Variants in IQCJ observed in about 807,000 individuals in gnomAD.
IQCJ encodes the protein IQ motif containing J, also known as IQ domain-containing protein J.
A neutral mutation model predicts 11.0 loss-of-function variants in IQCJ; 9 were observed. That is an observed-to-expected ratio of 0.82 (90% CI 0.49 to 1.43). The LOEUF (loss-of-function observed/expected upper bound fraction) is 1.43. Ranked by LOEUF, IQCJ falls within the 40% of genes most tolerant of loss-of-function variation. The pLI, the probability that IQCJ is intolerant of heterozygous loss-of-function variation, is 0.00. For synonymous variants in IQCJ, 55 were observed against 51.3 expected, an observed-to-expected ratio of 1.07 and a Z score of -0.31; for missense variants, 146 against 133.2, an observed-to-expected ratio of 1.10 and a Z score of -0.47.
At chr3:159,254,098 A>G (rs1193713271) in intron 3 of IQCJ, among the ~76,000 whole-genome samples, 1 of 152,236 alleles carries the variant, frequency 6.6e-6, no homozygotes, top group Non-Finnish European at 1.5e-5. Context: ...CAGCCTCACT[A>G]CACAGGACAT....
chr3:159,102,186 T>A (rs1374989272), intron 1 of IQCJ, among the ~76,000 whole-genome samples: 1 of 152,252 alleles, frequency 6.6e-6, no homozygotes, highest in East Asian at 1.9e-4. Context: ...AATCTGCTTT[T>A]CATTTCAAAG....
intron 1 of IQCJ, among the ~76,000 whole-genome samples, chr3:159,119,367 TC>T (rs1419249717): frequency 2.0e-5 from 3 of 152,188 alleles, no homozygotes; most frequent in African/African-American, 7.2e-5. Context: ...TAATCACTTT[TC>T]CCTGCTCCCT....
At chr3:159,094,079 A>G (rs184351221) in intron 1 of IQCJ, among the ~76,000 whole-genome samples, 2 of 151,902 alleles carry the variant, frequency 1.3e-5, no homozygotes, top group Admixed American at 1.3e-4. Context: ...CTTTGACTAG[A>G]GCTTTTTCTC....
At chr3:159,256,825 A>T (rs1027034480) in intron 3 of IQCJ, among the ~76,000 whole-genome samples, 1 of 152,216 alleles carries the variant, frequency 6.6e-6, no homozygotes, top group African/African-American at 2.4e-5. Flanking sequence ...GTATTTGAAA[A>T]TGTTTGATAT....
At chr3:159,200,470 G>A (rs1450724787) in intron 1 of IQCJ, among the ~76,000 whole-genome samples, 2 of 152,076 alleles carry the variant, frequency 1.3e-5, no homozygotes, top group Non-Finnish European at 2.9e-5. Context: ...TTCTTGAGCT[G>A]ACTTAAATGA....
At chr3:159,256,639 A>G (rs1186703372) in intron 3 of IQCJ, among the ~76,000 whole-genome samples, 1 of 152,226 alleles carries the variant, frequency 6.6e-6, no homozygotes, top group African/African-American at 2.4e-5. Context: ...CGAGAATGCT[A>G]ACATGTCTTA....
chr3:159,200,049 A>ATATATATATATATATATAG (rs1560022977), intron 1 of IQCJ, among the ~76,000 whole-genome samples: 1 of 102,688 alleles, frequency 9.7e-6, no homozygotes, highest in Non-Finnish European at 1.9e-5. Flanking sequence ...TATATATATA[A>ATATATATATATATATATAG]ATCTAAATTA....
chr3:159,257,557 C>T (rs547550572), intron 3 of IQCJ, among the ~76,000 whole-genome samples: 9 of 152,000 alleles, frequency 5.9e-5, no homozygotes, highest in Admixed American at 4.6e-4. Context: ...ACAAACCGGG[C>T]GGATACTGGA....
intron 1 of IQCJ, among the ~76,000 whole-genome samples, chr3:159,073,258 G>A (rs559569087): frequency 6.6e-6 from 1 of 152,228 alleles, no homozygotes; most frequent in South Asian, 2.1e-4. Flanking sequence ...TGAAAGTCCT[G>A]TAGCTGGATG....
intron 1 of IQCJ, among the ~76,000 whole-genome samples, chr3:159,104,634 G>T (rs73164342): frequency 6.6e-6 from 1 of 151,934 alleles, no homozygotes; most frequent in Admixed American, 6.6e-5. Flanking sequence ...TGGCCTCCTC[G>T]CCCGCCATTT....
intron 1 of IQCJ, among the ~76,000 whole-genome samples, chr3:159,204,327 C>T (rs1463095893): frequency 6.6e-6 from 1 of 152,284 alleles, no homozygotes; most frequent in Admixed American, 6.5e-5. Flanking sequence ...GGCCATATAT[C>T]TGTCTTCTCA....
At chr3:159,136,895 A>G (rs1431921671) in intron 1 of IQCJ, among the ~76,000 whole-genome samples, 2 of 152,188 alleles carry the variant, frequency 1.3e-5, no homozygotes, top group East Asian at 3.9e-4. Context: ...GGTCTTAAGT[A>G]TGGTGTAAAT....
At chr3:159,132,479 AATT>A (rs1196754978) in intron 1 of IQCJ, among the ~76,000 whole-genome samples, 2 of 152,206 alleles carry the variant, frequency 1.3e-5, no homozygotes, top group Admixed American at 1.3e-4. Flanking sequence ...TTTATTATAT[AATT>A]TCCAGTAGGA....
chr3:159,189,221 C>A (rs138258217), intron 1 of IQCJ, among the ~76,000 whole-genome samples: 356 of 151,946 alleles, frequency 2.3e-3, no homozygotes, highest in African/African-American at 7.7e-3. Flanking sequence ...CTTCATCCTG[C>A]CAAAGGAAAG....
chr3:159,111,740 C>T (rs773816413), intron 1 of IQCJ, among the ~76,000 whole-genome samples: 1 of 152,150 alleles, frequency 6.6e-6, no homozygotes, highest in Admixed American at 6.5e-5. Flanking sequence ...AGAGGTGATT[C>T]AGTTTCAGCA....
intron 2 of IQCJ, among the ~76,000 whole-genome samples, chr3:159,248,834 C>T (rs1727424571): frequency 6.6e-6 from 1 of 151,860 alleles, no homozygotes; most frequent in Non-Finnish European, 1.5e-5. Context: ...ATTTATTAAA[C>T]CTGGCCATGC....
chr3:159,172,101 T>C (rs938975103), intron 1 of IQCJ, among the ~76,000 whole-genome samples: 1 of 152,126 alleles, frequency 6.6e-6, no homozygotes, highest in Non-Finnish European at 1.5e-5. Flanking sequence ...CTTTGGGGAA[T>C]CTATCTGAAG....
chr3:159,233,786 T>A (rs947232247), intron 1 of IQCJ, among the ~76,000 whole-genome samples: 1 of 152,184 alleles, frequency 6.6e-6, no homozygotes, highest in Non-Finnish European at 1.5e-5. Context: ...TCTCTGTGGA[T>A]GACCAGCACT....
intron 1 of IQCJ, among the ~76,000 whole-genome samples, chr3:159,074,228 G>T (rs1255055222): frequency 6.6e-6 from 1 of 152,114 alleles, no homozygotes; most frequent in East Asian, 1.9e-4. Flanking sequence ...GCAATCAGGA[G>T]TCAGGGAGAC....
Sources: gnomAD v4.1 joint callset for allele counts (sites outside exome capture counted in the v4.1 genomes callset) on GRCh38, gnomAD v4.1.1 for gene constraint, MANE v1.5 for transcripts, NCBI Gene and HGNC (gene_info 2026-07-23, HGNC 2026-07-21) for gene names.